The following LRRTM4 variants were observed in gnomAD, a reference collection of about 807,000 sequenced individuals.
LRRTM4 encodes leucine rich repeat transmembrane neuronal 4.
LRRTM4 carries 25 observed loss-of-function variants against 47.6 expected under a neutral mutation model. That is an observed-to-expected ratio of 0.53 (90% confidence interval 0.38 to 0.73). The LOEUF (loss-of-function observed/expected upper bound fraction) is 0.73. Among genes scored for constraint, LRRTM4 ranks in the 30% least tolerant of loss-of-function variants. The probability of loss-of-function intolerance (pLI) is 0.00; values close to 1 mark genes in which losing one functional copy is unlikely to be tolerated. For synonymous variants in LRRTM4, 311 were observed against 269.5 expected (o/e 1.15, Z -1.51); for missense variants, 638 against 713.4 (o/e 0.89, Z 1.20).
intron 3 of LRRTM4, among the ~76,000 whole-genome samples, chr2:77,423,817 T>C (rs978688304): frequency 6.6e-6 from 1 of 152,130 alleles, no homozygotes; most frequent in African/African-American, 2.4e-5. Context: ...ATAAGGTAGA[T>C]GAAAATGGAC....
chr2:77,152,015 C>A (rs565472632), intron 3 of LRRTM4, among the ~76,000 whole-genome samples: 1 of 152,098 alleles, frequency 6.6e-6, no homozygotes, highest in Non-Finnish European at 1.5e-5. Flanking sequence ...TTAACCAGCA[C>A]AAAAAACTGC....
intron 3 of LRRTM4, among the ~76,000 whole-genome samples, chr2:77,371,348 A>G (rs1672648927): frequency 6.6e-6 from 1 of 151,814 alleles, no homozygotes. Context: ...CTAGGCCTTC[A>G]GCACCACCTG....
chr2:76,813,000 C>T (rs1483420111), intron 3 of LRRTM4, among the ~76,000 whole-genome samples: 1 of 151,904 alleles, frequency 6.6e-6, no homozygotes, highest in Admixed American at 6.6e-5. Context: ...CCTGTCTCTA[C>T]TAAAAATACA....
At chr2:77,274,870 G>T (rs1395247049) in intron 3 of LRRTM4, among the ~76,000 whole-genome samples, 1 of 152,092 alleles carries the variant, frequency 6.6e-6, no homozygotes, top group Non-Finnish European at 1.5e-5. Context: ...TGTGTAGCTT[G>T]AAGAAGAAAC....
intron 3 of LRRTM4, among the ~76,000 whole-genome samples, chr2:77,485,912 A>G (rs1265537194): frequency 7.9e-6 from 1 of 126,590 alleles, no homozygotes; most frequent in Non-Finnish European, 1.7e-5. Context: ...TTTTTTTTGT[A>G]TTTTTAGGGG....
At chr2:77,125,842 AG>A (rs1197660219) in intron 3 of LRRTM4, among the ~76,000 whole-genome samples, 1 of 151,584 alleles carries the variant, frequency 6.6e-6, no homozygotes, top group Non-Finnish European at 1.5e-5. Flanking sequence ...GTAATAAGTA[AG>A]GGATTGCATA....
intron 3 of LRRTM4, among the ~76,000 whole-genome samples, chr2:76,794,808 TCCC>T (rs907987255): frequency 6.6e-6 from 1 of 151,730 alleles, no homozygotes; most frequent in African/African-American, 2.4e-5. Context: ...GTAGCATCAA[TCCC>T]CCAAGTCAGA....
At chr2:77,093,029 C>T (rs997803599) in intron 3 of LRRTM4, among the ~76,000 whole-genome samples, 1 of 146,304 alleles carries the variant, frequency 6.8e-6, no homozygotes, top group Admixed American at 6.8e-5. Flanking sequence ...CCTTTATAGA[C>T]GCTCCTTTTA....
intron 3 of LRRTM4, among the ~76,000 whole-genome samples, chr2:76,881,002 T>A (rs1672913282): frequency 6.6e-6 from 1 of 152,090 alleles, no homozygotes; most frequent in Non-Finnish European, 1.5e-5. Flanking sequence ...TACAGTTAGA[T>A]AGGAGGATTA....
chr2:77,511,142 G>C (rs1004322641), intron 3 of LRRTM4, among the ~76,000 whole-genome samples: 6 of 151,976 alleles, frequency 3.9e-5, no homozygotes, highest in African/African-American at 1.2e-4. Flanking sequence ...ACCAAATTGA[G>C]GCAATGAGAG....
At chr2:76,880,314 C>G in intron 3 of LRRTM4, among the ~76,000 whole-genome samples, 1 of 152,168 alleles carries the variant, frequency 6.6e-6, no homozygotes, top group East Asian at 1.9e-4. Flanking sequence ...TCAGCAACCA[C>G]CACTCTAATT....
At chr2:77,265,136 G>A (rs988402773) in intron 3 of LRRTM4, among the ~76,000 whole-genome samples, 5 of 152,020 alleles carry the variant, frequency 3.3e-5, no homozygotes, top group South Asian at 4.1e-4. Flanking sequence ...GAGGAAAAAT[G>A]CATCAAGGCT....
At chr2:76,768,862 T>A (rs1362028994) in intron 3 of LRRTM4, among the ~76,000 whole-genome samples, 3 of 152,108 alleles carry the variant, frequency 2.0e-5, no homozygotes, top group Admixed American at 6.5e-5. Context: ...TTTGGAGAGA[T>A]TAATTGCTTT....
intron 3 of LRRTM4, among the ~76,000 whole-genome samples, chr2:77,242,725 A>T (rs1402107025): frequency 1.3e-5 from 2 of 152,156 alleles, no homozygotes; most frequent in Admixed American, 1.3e-4. Flanking sequence ...TAAAATAACT[A>T]ATTTTAATGA....
chr2:76,972,952 T>C (rs561900476), intron 3 of LRRTM4, among the ~76,000 whole-genome samples: 1 of 152,166 alleles, frequency 6.6e-6, no homozygotes, highest in African/African-American at 2.4e-5. Context: ...GCATTTCCTT[T>C]AAAAAGCAGT....
intron 3 of LRRTM4, among the ~76,000 whole-genome samples, chr2:77,094,984 G>A (rs775728396): frequency 4.6e-5 from 7 of 152,178 alleles, no homozygotes; most frequent in Non-Finnish European, 1.0e-4. Flanking sequence ...ACAGGGTGAA[G>A]AGACAACCAT....
At chr2:77,044,468 A>G (rs1672361972) in intron 3 of LRRTM4, among the ~76,000 whole-genome samples, 1 of 151,844 alleles carries the variant, frequency 6.6e-6, no homozygotes, top group South Asian at 2.1e-4. Context: ...AAATCCATAT[A>G]GCTCTGAAAG....
intron 3 of LRRTM4, among the ~76,000 whole-genome samples, chr2:77,384,958 T>C (rs536915604): frequency 1.3e-5 from 2 of 152,234 alleles, no homozygotes; most frequent in Admixed American, 6.5e-5. Flanking sequence ...GCAGCAGGTA[T>C]TTACAGAGAA....
chr2:77,068,838 G>T (rs928135597), intron 3 of LRRTM4, among the ~76,000 whole-genome samples: 3 of 152,192 alleles, frequency 2.0e-5, no homozygotes, highest in Admixed American at 6.5e-5. Flanking sequence ...TAAGGCCTAC[G>T]CTGGAAGGTT....
Sources: gnomAD v4.1 joint callset for allele counts (sites outside exome capture counted in the v4.1 genomes callset) on GRCh38, gnomAD v4.1.1 for gene constraint, MANE v1.5 for transcripts, NCBI Gene and HGNC (gene_info 2026-07-23, HGNC 2026-07-21) for gene names.